The following JADE2 variants were observed in gnomAD, a reference collection of about 807,000 sequenced individuals.
The protein encoded by JADE2 is E3 ubiquitin-protein ligase Jade-2.
In JADE2, 13 loss-of-function variants were observed where a neutral mutation model predicts 85.7. That is an observed-to-expected ratio of 0.15 (90% CI 0.10 to 0.24). JADE2 has a LOEUF of 0.24. Among genes scored for constraint, JADE2 ranks in the 10% least tolerant of loss-of-function variants. JADE2 has a pLI of 1.00. For synonymous variants in JADE2, 440 were observed against 456.1 expected (o/e 0.96, Z 0.45); for missense variants, 846 against 1,115.9 (o/e 0.76, Z 3.45).
At chr5:134,534,276 C>T (rs879821613) in intron 1 of JADE2, among the ~76,000 whole-genome samples, 33 of 152,124 alleles carry the variant, frequency 2.2e-4, no homozygotes, top group Middle Eastern at 3.4e-3. Context: ...TCGTTGAGGT[C>T]CCTGTGGACC....
chr5:134,554,545 T>C (rs1021021553), intron 4 of JADE2, among the ~76,000 whole-genome samples: 2 of 152,208 alleles, frequency 1.3e-5, no homozygotes, highest in African/African-American at 4.8e-5. Flanking sequence ...TCAGTCTGCC[T>C]GTAGGGTGCT....
intron 10 of JADE2, among the ~76,000 whole-genome samples, chr5:134,575,999 A>C (rs1764343654): frequency 6.6e-6 from 1 of 152,156 alleles, no homozygotes; most frequent in Non-Finnish European, 1.5e-5. Context: ...CCAAGAGTTC[A>C]AGACCAGTCT....
chr5:134,556,511 C>T (rs1762934896), intron 4 of JADE2, among the ~76,000 whole-genome samples: 1 of 83,588 alleles, frequency 1.2e-5, no homozygotes, highest in Non-Finnish European at 2.7e-5. Context: ...CACACACACA[C>T]ATCACACAAC....
chr5:134,556,453 ACACACCT>A (rs1420324445), intron 4 of JADE2, among the ~76,000 whole-genome samples: 1 of 151,202 alleles, frequency 6.6e-6, no homozygotes, highest in Non-Finnish European at 1.5e-5. Context: ...CACACCACAC[ACACACCT>A]CACACATCAC....
At position 134,566,285 on chromosome 5, in the gene JADE2, C is replaced by A; in HGVS notation, c.1139C>A (p.Pro380His). ...GAGCCCACATCTGAGCCCACGGAAC[C>A]CAGCCAGGCTGGCGAGGACCTGGAA... ...RNEPTSEPTE[P>H]SQAGEDLEKV... The change falls in exon 9 of 12, where the codon CCC becomes CAC. Residue 380 changes from proline to histidine, a missense_variant. Physicochemically the swap from Pro to His is moderately conservative, Grantham distance 77. Coordinates refer to ENST00000681547, the MANE Select transcript of JADE2 (RefSeq NM_001388185.1). This position sits in a 1 kb window ranked among gnomAD's most constrained non-coding sequence, Gnocchi z 6.7. 1 of 1,614,182 alleles carries A rather than the reference C, an allele frequency of 6.2e-7. No homozygotes were observed.
intron 3 of JADE2, among the ~76,000 whole-genome samples, chr5:134,539,824 G>A (rs1430156560): frequency 1.3e-5 from 2 of 152,172 alleles, no homozygotes; most frequent in Admixed American, 6.5e-5. Context: ...CTTGGAGGGG[G>A]GCTTCTGCAG....
intron 3 of JADE2, among the ~76,000 whole-genome samples, chr5:134,547,262 G>T (rs1762349049): frequency 6.6e-6 from 1 of 152,168 alleles, no homozygotes; most frequent in Non-Finnish European, 1.5e-5. Context: ...GGGCTGCATT[G>T]GCACCCCTAG....
At chr5:134,548,339 C>T (rs1308681752) in intron 3 of JADE2, among the ~76,000 whole-genome samples, 2 of 152,216 alleles carry the variant, frequency 1.3e-5, no homozygotes, top group East Asian at 1.9e-4. Flanking sequence ...CCAGCACGCA[C>T]ACCTTGGGTG....
At chr5:134,573,879 C>T (rs1404093966) in intron 10 of JADE2, 117 bp downstream of exon 10, 2 of 774,026 alleles carry the variant, frequency 2.6e-6, no homozygotes, top group South Asian at 1.4e-5. Context: ...AGCCAAGGGC[C>T]ACTGGCCCCC....
chr5:134,571,154 C>G (rs573440507), intron 9 of JADE2, among the ~76,000 whole-genome samples: 1 of 152,352 alleles, frequency 6.6e-6, no homozygotes, highest in African/African-American at 2.4e-5. Flanking sequence ...CTGGCCTCTG[C>G]CTCTGCCAGG....
At position 134,562,311 on chromosome 5, in the gene JADE2, C is replaced by T; in HGVS notation, c.796C>T (p.Pro266Ser). 2 of 1,614,114 alleles carry T rather than the reference C, an allele frequency of 1.2e-6. No homozygotes were observed. The highest frequency in any genetic ancestry group is 1.7e-6 in the Non-Finnish European group (2 of 1,179,992). Residue 266 changes from proline to serine, a missense_variant, in exon 7 of 12, where the codon CCC becomes TCC. Transcript: ENST00000681547. The surrounding 1 kb of genome is among the most constrained non-coding windows in gnomAD (Gnocchi z 4.6). ...LCPKRGGALK[P>S]TRSGTKWVHV... ...CCCCAAGCGAGGAGGAGCCTTGAAG[C>T]CCACTAGAAGTGGGACCAAGTGGGT...
chr5:134,551,202 A>T (rs1762571995), intron 3 of JADE2, among the ~76,000 whole-genome samples: 1 of 135,842 alleles, frequency 7.4e-6, no homozygotes, highest in Admixed American at 7.4e-5. Flanking sequence ...ACGTAATGGC[A>T]GTATTTTTTA....
intron 3 of JADE2, among the ~76,000 whole-genome samples, chr5:134,549,994 G>C: frequency 1.3e-5 from 2 of 152,240 alleles, no homozygotes; most frequent in African/African-American, 4.8e-5. Flanking sequence ...AGAGGCCTTC[G>C]CTGGCACAGG....
intron 9 of JADE2, among the ~76,000 whole-genome samples, chr5:134,568,931 G>T (rs990118574): frequency 1.3e-5 from 2 of 152,252 alleles, no homozygotes; most frequent in African/African-American, 4.8e-5. Flanking sequence ...CTGTAACTGG[G>T]CACTAAGCCA....
chr5:134,553,020 G>A (rs1246558740), intron 4 of JADE2, among the ~76,000 whole-genome samples: 3 of 119,294 alleles, frequency 2.5e-5, no homozygotes, highest in African/African-American at 9.5e-5. Context: ...TTCTGACAAG[G>A]TCTCACTCTG....
intron 9 of JADE2, among the ~76,000 whole-genome samples, chr5:134,572,299 A>G (rs1025313181): frequency 6.6e-6 from 1 of 152,242 alleles, no homozygotes; most frequent in African/African-American, 2.4e-5. Flanking sequence ...CGCACACACC[A>G]GCGTGGAAGG....
In JADE2 at chr5:134,578,696, G is replaced by T; in HGVS notation, c.1884G>T (p.Ser628=). The change falls in exon 12 of 12, where the codon TCG becomes TCT. Residue 628 remains serine, a synonymous_variant. Transcript: ENST00000681547. The surrounding 1 kb of genome is among the most constrained non-coding windows in gnomAD (Gnocchi z 4.4). ...TGCTCAGCTTCATGCGGGACCCCTC[G>T]CTGCGACCTGGTGACCCTGCTAGGA... The part of the protein sequence containing the change: ...ETLLSFMRDP[S]LRPGDPARKA... 5.0e-6 allele frequency: 8 copies of T among 1,613,748 alleles called. No individual in the cohort carries two copies. The highest frequency in any genetic ancestry group is 1.7e-5 in the Admixed American group (1 of 60,012).
chr5:134,566,346 A>T lies in JADE2; in HGVS notation c.1200A>T (p.Leu400=). 1 of 1,613,998 alleles carries T rather than the reference A, an allele frequency of 6.2e-7. No individual in the cohort carries two copies. ...TGCGCAAGCAGCGGCTGCAGCAGCT[A>T]GAGGAGGACTTCTACGAGCTGGTGG... ...VTLRKQRLQQ[L]EEDFYELVEP... The change falls in exon 9 of 12, where the codon CTA becomes CTT. Residue 400 remains leucine (L), a synonymous_variant. Transcript: ENST00000681547. The surrounding 1 kb of genome is among the most constrained non-coding windows in gnomAD (Gnocchi z 6.7).
chr5:134,568,193 GAA>G (rs919251019), intron 9 of JADE2, among the ~76,000 whole-genome samples: 4 of 152,196 alleles, frequency 2.6e-5, no homozygotes, highest in Admixed American at 1.3e-4. Context: ...CATCATCCTG[GAA>G]AAAGAGACTT....
Sources: gnomAD v4.1 joint callset for allele counts (sites outside exome capture counted in the v4.1 genomes callset) on GRCh38, gnomAD v4.1.1 for gene constraint, Gnocchi (gnomAD v3.1) non-coding constraint, MANE v1.5 for transcripts, NCBI Gene and HGNC (gene_info 2026-07-23, HGNC 2026-07-21) for gene names.